Variants in PRDM5 observed in about 807,000 individuals in gnomAD.
The protein encoded by PRDM5 is PR/SET domain 5, also known as PR domain zinc finger protein 5.
In PRDM5, 56 loss-of-function variants were observed where a neutral mutation model predicts 81.2. The ratio of observed to expected loss-of-function variants is 0.69; its 90% CI spans 0.56 to 0.86. PRDM5 has a LOEUF of 0.86. Ranked by LOEUF, PRDM5 falls within the 40% of genes least tolerant of loss-of-function variation. The pLI is 0.00. For synonymous variants in PRDM5, 267 were observed against 256.4 expected (o/e 1.04, Z -0.39); for missense variants, 697 against 770.1 (o/e 0.91, Z 1.12).
chr4:120,774,255 G>A (rs1278034594), intron 13 of PRDM5, among the ~76,000 whole-genome samples: 1 of 152,112 alleles, frequency 6.6e-6, no homozygotes, highest in Admixed American at 6.6e-5. Flanking sequence ...CCACTTCATT[G>A]TGTCCTCCCT....
At chr4:120,688,407 A>G (rs1319395029), downstream of PRDM5, among the ~76,000 whole-genome samples, 2 of 152,046 alleles carry the variant, frequency 1.3e-5, no homozygotes, top group African/African-American at 2.4e-5. Flanking sequence ...TGGTTTGCAA[A>G]TGTTTTCTCC....
intron 1 of PRDM5, among the ~76,000 whole-genome samples, chr4:120,686,038 C>A (rs1560854240): frequency 6.6e-6 from 1 of 151,960 alleles, no homozygotes; most frequent in African/African-American, 2.4e-5. Flanking sequence ...TCTGTAGTAT[C>A]TCCCCACCCA....
rs1754830884 is a variant in PRDM5, at chr4:120,818,444, G to A, written c.559C>T (p.Gln187Ter). The A allele has an allele frequency of 6.2e-7, 1 of 1,613,604 alleles. No homozygotes were observed. The highest frequency in any genetic ancestry group is 1.3e-5 in the African/African-American group (1 of 74,922). ...TCTGTGGGTTTCTGGTGCAATGTCTGGAGATGCTCAGCAAGAATATCCTCA... is the reference window on the plus strand; with the variant it reads ...TCTGTGGGTTTCTGGTGCAATGTCTAGAGATGCTCAGCAAGAATATCCTCA... Reference protein sequence around the residue: ...TSEDILAEHLQTLHQKPTEEK... With the variant: ...TSEDILAEHL Residue 187 changes from glutamine (Q) to a stop codon, truncating the protein, a stop_gained, in exon 5 of 16, where the codon CAG becomes TAG. Transcript: ENST00000264808. LOFTEE classifies it high-confidence loss of function.
rs1295563063 is a variant in PRDM5, at chr4:120,777,359, T to C, written c.1444-78A>G. 8 of 1,595,848 alleles carry C rather than the reference T, an allele frequency of 5.0e-6. No individual in the cohort carries two copies. In the Admixed American group the frequency reaches 5.1e-5, roughly 10 times the overall value. On this transcript the variant is annotated intron_variant, in intron 12 of 15. Coordinates refer to ENST00000264808, the MANE Select transcript of PRDM5 (RefSeq NM_018699.4). ...GATGATTAAATGCCTCTGACAATAG[T>C]AAATCCTTATTTTGTAGGATTACAT... is the stretch of plus-strand genomic sequence containing the variant.
chr4:120,787,135 G>T (rs1338671534), intron 10 of PRDM5, among the ~76,000 whole-genome samples: 4 of 152,100 alleles, frequency 2.6e-5, no homozygotes, highest in Non-Finnish European at 5.9e-5. Context: ...CAGAGAATGG[G>T]GTAGCAATTT....
chr4:120,894,849 A>G (rs1398440899), intron 2 of PRDM5, among the ~76,000 whole-genome samples: 4 of 152,290 alleles, frequency 2.6e-5, no homozygotes, highest in East Asian at 3.9e-4. Context: ...TTTTAAAAAT[A>G]TAAGTTCAAC....
At chr4:120,748,756 A>G (rs1166337694) in intron 14 of PRDM5, among the ~76,000 whole-genome samples, 1 of 152,108 alleles carries the variant, frequency 6.6e-6, no homozygotes, top group African/African-American at 2.4e-5. Context: ...TAGATCTAGA[A>G]AGGGATGAGA....
intron 8 of PRDM5, among the ~76,000 whole-genome samples, chr4:120,808,149 G>A (rs1753273265): frequency 6.6e-6 from 1 of 152,130 alleles, no homozygotes; most frequent in South Asian, 2.1e-4. Flanking sequence ...GACCTGAGCG[G>A]GTTGCCACTG....
intron 14 of PRDM5, among the ~76,000 whole-genome samples, chr4:120,728,343 T>C (rs1204341442): frequency 6.6e-6 from 1 of 152,154 alleles, no homozygotes; most frequent in East Asian, 1.9e-4. Context: ...TGAAAATGTA[T>C]TTGGGAAATT....
chr4:120,706,713 A>T (rs902725495), intron 15 of PRDM5, among the ~76,000 whole-genome samples: 3 of 145,738 alleles, frequency 2.1e-5, no homozygotes, highest in African/African-American at 2.5e-5. Context: ...AACTGGTTTT[A>T]TATATATATA....
chr4:120,793,866 T>C (rs941817429), intron 10 of PRDM5, among the ~76,000 whole-genome samples: 1 of 152,196 alleles, frequency 6.6e-6, no homozygotes, highest in Non-Finnish European at 1.5e-5. Flanking sequence ...AATGTGTGTG[T>C]GTGTGTATAC....
intron 14 of PRDM5, among the ~76,000 whole-genome samples, chr4:120,725,820 T>C (rs1739314288): frequency 1.3e-5 from 2 of 152,158 alleles, no homozygotes; most frequent in Admixed American, 1.3e-4. Context: ...TGTCAGCCTG[T>C]AAATCCACCC....
intron 2 of PRDM5, among the ~76,000 whole-genome samples, chr4:120,897,500 T>G (rs1764771961): frequency 6.6e-6 from 1 of 152,156 alleles, no homozygotes; most frequent in African/African-American, 2.4e-5. Flanking sequence ...TCAGATAATG[T>G]TTTTAAAAAG....
At chr4:120,728,699 G>A (rs1185058713) in intron 14 of PRDM5, among the ~76,000 whole-genome samples, 1 of 152,046 alleles carries the variant, frequency 6.6e-6, no homozygotes, top group African/African-American at 2.4e-5. Context: ...GTCGCCTAGT[G>A]TTGCGTTAGA....
At chr4:120,700,914 T>C (rs4833175) in intron 15 of PRDM5, among the ~76,000 whole-genome samples, 131,336 of 152,156 alleles carry the variant, frequency 0.86, 56,871 homozygotes, top group East Asian at 0.91. Flanking sequence ...CACCTGACGT[T>C]AGGAGATCGA....
intron 1 of PRDM5, among the ~76,000 whole-genome samples, chr4:120,915,515 A>C (rs1246588345): frequency 6.6e-6 from 1 of 152,232 alleles, no homozygotes; most frequent in African/African-American, 2.4e-5. Context: ...AGAGCGGAAC[A>C]GCAGCTGCTG....
chr4:120,785,588 C>T (rs1344738400), intron 10 of PRDM5, among the ~76,000 whole-genome samples: 4 of 152,288 alleles, frequency 2.6e-5, no homozygotes, highest in East Asian at 1.9e-4. Context: ...CCCTAAATTA[C>T]ACTAGAGCAC....
chr4:120,811,543 T>C, intron 7 of PRDM5, 94 bp from the exon 8 acceptor site: 1 of 738,246 alleles, frequency 1.4e-6, no homozygotes, highest in Non-Finnish European at 2.3e-6. Flanking sequence ...TTCATCTTCA[T>C]AATTTAGAAT....
At chr4:120,907,751 C>T (rs547529285) in intron 1 of PRDM5, among the ~76,000 whole-genome samples, 194 bp from the exon 2 acceptor site, 7 of 152,304 alleles carry the variant, frequency 4.6e-5, no homozygotes, top group African/African-American at 1.7e-4. Flanking sequence ...TAGCCTAAAA[C>T]GCTAAATCCA....
Sources: allele counts gnomAD v4.1 joint callset (sites outside exome capture counted in the v4.1 genomes callset), GRCh38; gene constraint gnomAD v4.1.1; transcripts MANE v1.5; gene names NCBI Gene and HGNC (gene_info 2026-07-23, HGNC 2026-07-21).